Variants in EXOC1L observed in about 807,000 individuals in gnomAD.
The protein encoded by EXOC1L is exocyst complex component 1 like.
A neutral mutation model predicts 4.9 loss-of-function variants in EXOC1L; 10 were observed. The observed-to-expected ratio is 2.02, with a 90% CI of 1.25 to 3.43. The LOEUF (loss-of-function observed/expected upper bound fraction) is 3.43. Among genes scored for constraint, EXOC1L ranks in the 30% most tolerant of loss-of-function variants. The pLI, the probability that EXOC1L is intolerant of heterozygous loss-of-function variation, is 0.00. For synonymous variants in EXOC1L, 41 were observed against 20.8 expected, an observed-to-expected ratio of 1.97 and a Z score of -2.63; for missense variants, 114 against 59.4, an observed-to-expected ratio of 1.92 and a Z score of -3.02.
At chr4:55,836,947 C>G (rs1027791790) in intron 2 of EXOC1L, 138 bp from the exon 3 acceptor site, 1 of 465,926 alleles carries the variant, frequency 2.1e-6, no homozygotes, top group African/African-American at 2.0e-5. Context: ...TTTGGAAAGC[C>G]CATTTGTAGA....
intron 1 of EXOC1L, among the ~76,000 whole-genome samples, chr4:55,829,063 G>A (rs935122334): frequency 2.6e-5 from 4 of 151,844 alleles, no homozygotes; most frequent in Non-Finnish European, 5.9e-5. Flanking sequence ...TTCCTATTTG[G>A]GTTTGTATTC....
intron 1 of EXOC1L, 34 bp from the exon 2 acceptor site, chr4:55,831,300 A>T: frequency 1.9e-6 from 1 of 535,068 alleles, no homozygotes. Flanking sequence ...GCTTCTAAGA[A>T]TTTATGTAAA....
chr4:55,832,592 G>A (rs1213013326), intron 2 of EXOC1L, among the ~76,000 whole-genome samples: 1 of 151,924 alleles, frequency 6.6e-6, no homozygotes, highest in Non-Finnish European at 1.5e-5. Flanking sequence ...AAACTCTTAT[G>A]AGGTGCCAGA....
At chr4:55,834,459 A>C (rs926651496) in intron 2 of EXOC1L, among the ~76,000 whole-genome samples, 16 of 151,964 alleles carry the variant, frequency 1.1e-4, no homozygotes, top group African/African-American at 3.9e-4. Flanking sequence ...ATTCTATCAA[A>C]AAAGAGAGAG....
chr4:55,835,923 C>T (rs1005524030), intron 2 of EXOC1L, among the ~76,000 whole-genome samples: 1 of 151,850 alleles, frequency 6.6e-6, no homozygotes, highest in African/African-American at 2.4e-5. Flanking sequence ...ATTTATTAAG[C>T]TCCACGCTCG....
intron 2 of EXOC1L, among the ~76,000 whole-genome samples, chr4:55,833,652 G>C (rs141351297): frequency 6.6e-6 from 1 of 151,580 alleles, no homozygotes; most frequent in Non-Finnish European, 1.5e-5. Context: ...AAATATTACC[G>C]ATGTTATCAT....
At position 55,837,235 on chromosome 4, in the gene EXOC1L, T is replaced by C. The variant is rs1241510904; in HGVS notation, c.403T>C (p.Tyr135His). ...DLQIVNFDSTYINDDSIWSSN... is the reference protein window; with the variant it reads ...DLQIVNFDSTHINDDSIWSSN... The stretch of plus-strand genomic sequence containing the variant: ...ACAGATCGTGAACTTTGATTCTACA[T>C]ACATTAACGATGATTCCATTTGGTC... The change falls in exon 3 of 3, where the codon TAC becomes CAC. Residue 135 changes from tyrosine (Y) to histidine (H), a missense_variant. Coordinates refer to ENST00000636125, the MANE Select transcript of EXOC1L (RefSeq NM_001351574.3). The C allele has an allele frequency of 2.8e-6, 2 of 701,884 alleles. No individual in the cohort carries two copies. The highest frequency in any genetic ancestry group is 5.2e-6 in the Non-Finnish European group (2 of 384,270). 43.5% of individuals were successfully genotyped at this position (701,884 alleles called of 1,614,324 possible). A position where few individuals can be genotyped will look rare whatever the true frequency, so the allele number is the denominator to read the frequency against.
intron 2 of EXOC1L, among the ~76,000 whole-genome samples, chr4:55,834,078 GCATTTAATTTACATAAATGTAATAATTTA>G (rs1292417379): frequency 1.3e-5 from 2 of 151,640 alleles, no homozygotes; most frequent in African/African-American, 2.4e-5. Flanking sequence ...TTACATGATT[GCATTTAATTTACATAAATGTAATAATTTA>G]CATTATTACA....
intron 1 of EXOC1L, among the ~76,000 whole-genome samples, chr4:55,822,757 CAG>C (rs1719779832): frequency 6.6e-6 from 1 of 152,080 alleles, no homozygotes; most frequent in Non-Finnish European, 1.5e-5. Context: ...ATCTCTGAAA[CAG>C]AAATAAAAAC....
intron 2 of EXOC1L, among the ~76,000 whole-genome samples, chr4:55,835,910 A>G (rs557744160): frequency 2.0e-5 from 3 of 152,032 alleles, no homozygotes; most frequent in Admixed American, 6.6e-5. Flanking sequence ...TTTAGGAACT[A>G]TCATTTATTA....
At position 55,824,029 on chromosome 4, in the gene EXOC1L, C is replaced by T. The variant is rs777603033; in HGVS notation, c.121+3882C>T. On this transcript the variant is annotated intron_variant, in intron 1 of 2. Transcript: ENST00000636125. ...AAAAGAAGAAATATAGGATTGATTT[C>T]CAAGAGATACATTTTATTAAAAAAT... 5.9e-5 allele frequency among the ~76,000 whole-genome samples: 9 copies of T among 151,992 alleles called. No individual in the cohort carries two copies. The South Asian group carries it at 1.2e-3, about 21-fold the overall frequency.
At chr4:55,827,678 T>C (rs180813180) in intron 1 of EXOC1L, among the ~76,000 whole-genome samples, 290 of 152,290 alleles carry the variant, frequency 1.9e-3, no homozygotes, top group Non-Finnish European at 2.9e-3. Flanking sequence ...ACATTTTTCA[T>C]ACCTCCCCAA....
rs1394106939 is a variant in EXOC1L, at chr4:55,820,110, G to A, written c.84G>A (p.Glu28=). 5.0e-6 allele frequency: 2 copies of A among 398,888 alleles called. No homozygotes were observed. The highest frequency in any genetic ancestry group is 7.1e-5 in the East Asian group (2 of 28,090). The allele number at this position is 398,888 out of a possible 1,614,324, so 24.7% of individuals were successfully genotyped here. A position where few individuals can be genotyped will look rare whatever the true frequency, so the allele number is the denominator to read the frequency against. Residue 28 remains glutamate, a synonymous_variant, in exon 1 of 3, where the codon GAG becomes GAA. Transcript: ENST00000636125. ...ATCTGTACGAGTTTATTGAAATAGA[G>A]TTCTCCGTCCAGGACAGGTATTACC... is the stretch of plus-strand genomic sequence containing the variant. ...SQNLYEFIEI[E]FSVQDRYYLC...
chr4:55,828,584 C>T (rs564412898), intron 1 of EXOC1L, among the ~76,000 whole-genome samples: 4 of 152,296 alleles, frequency 2.6e-5, no homozygotes, highest in African/African-American at 9.6e-5. Flanking sequence ...ATAATCCCAA[C>T]ATTTTGAGAG....
At chr4:55,833,559 T>G (rs1370958374) in intron 2 of EXOC1L, among the ~76,000 whole-genome samples, 1 of 151,952 alleles carries the variant, frequency 6.6e-6, no homozygotes, top group Non-Finnish European at 1.5e-5. Context: ...TTCACTAATC[T>G]GTAGTTTCAG....
At chr4:55,826,927 A>C (rs1049964967) in intron 1 of EXOC1L, among the ~76,000 whole-genome samples, 21 of 152,212 alleles carry the variant, frequency 1.4e-4, no homozygotes, top group Non-Finnish European at 3.1e-4. Flanking sequence ...GTGACCATTA[A>C]TGTAAGAAAA....
intron 1 of EXOC1L, among the ~76,000 whole-genome samples, chr4:55,820,591 A>G (rs1719715772): frequency 6.6e-6 from 1 of 152,214 alleles, no homozygotes; most frequent in Non-Finnish European, 1.5e-5. Flanking sequence ...TTTTCATCCT[A>G]GGAAAAAAAC....
At position 55,823,185 on chromosome 4, in the gene EXOC1L, GT is replaced by G. The variant is rs1258676473; in HGVS notation, c.121+3045del. On this transcript the variant is annotated intron_variant, in intron 1 of 2. Transcript: ENST00000636125. ...TATGCATAAATTCTCTATACATATT[GT>G]TTTTTTAAGCCATACCAGAACTTCT... 3.3e-5 allele frequency among the ~76,000 whole-genome samples: 5 copies of G among 151,860 alleles called. No individual in the cohort carries two copies. In the East Asian group the frequency reaches 7.7e-4, roughly 23 times the overall value.
At chr4:55,829,705 A>G (rs1215900352) in intron 1 of EXOC1L, among the ~76,000 whole-genome samples, 1 of 152,134 alleles carries the variant, frequency 6.6e-6, no homozygotes, top group East Asian at 1.9e-4. Flanking sequence ...TCTCAGCTCA[A>G]CTGGCTGTCT....
Sources: allele counts gnomAD v4.1 joint callset (sites outside exome capture counted in the v4.1 genomes callset), GRCh38; gene constraint gnomAD v4.1.1; transcripts MANE v1.5; gene names NCBI Gene and HGNC (gene_info 2026-07-23, HGNC 2026-07-21).